Variants in LINGO2 observed in about 807,000 individuals in gnomAD.
LINGO2 encodes leucine-rich repeat and immunoglobulin-like domain-containing nogo receptor-interacting protein 2.
In LINGO2, 14 loss-of-function variants were observed where a neutral mutation model predicts 30.6. The observed-to-expected ratio is 0.46, with a 90% CI of 0.30 to 0.72. LINGO2 has a LOEUF of 0.72. Ranked by LOEUF, LINGO2 falls within the 30% of genes least tolerant of loss-of-function variation. The pLI is 0.07. For synonymous variants in LINGO2, 317 were observed against 288.5 expected, an observed-to-expected ratio of 1.10 and a Z score of -1.00; for missense variants, 729 against 751.7, an observed-to-expected ratio of 0.97 and a Z score of 0.35.
the LINGO2 span, among the ~76,000 whole-genome samples, chr9:28,760,924 G>GTC: frequency 8.2e-3 from 805 of 97,586 alleles, 18 homozygotes; most frequent in African/African-American, 0.029. Flanking sequence ...ACGTGTGTGT[G>GTC]TGTGTGTGTA....
chr9:29,022,100 G>A, the LINGO2 span, among the ~76,000 whole-genome samples: 1 of 152,066 alleles, frequency 6.6e-6, no homozygotes, highest in Non-Finnish European at 1.5e-5. Context: ...TGCTACTGAA[G>A]ATTTGACTTT....
chr9:28,280,371 C>A (rs1298151482), intron 4 of LINGO2, among the ~76,000 whole-genome samples: 1 of 151,990 alleles, frequency 6.6e-6, no homozygotes, highest in East Asian at 1.9e-4. Context: ...AACCTAAACT[C>A]AGGGTAATAT....
At chr9:27,982,910 G>T (rs909431217) in intron 5 of LINGO2, among the ~76,000 whole-genome samples, 13 of 151,572 alleles carry the variant, frequency 8.6e-5, no homozygotes, top group Non-Finnish European at 1.0e-4. Flanking sequence ...ATACACTTAC[G>T]AACTGTAAAG....
At chr9:29,130,168 A>G in the LINGO2 span, among the ~76,000 whole-genome samples, 7 of 152,288 alleles carry the variant, frequency 4.6e-5, no homozygotes, top group South Asian at 1.4e-3. Flanking sequence ...ATTGAACTTT[A>G]CCCATCAGTC....
chr9:27,979,730 G>A (rs1054403849), intron 5 of LINGO2, among the ~76,000 whole-genome samples: 4 of 151,772 alleles, frequency 2.6e-5, no homozygotes, highest in African/African-American at 7.3e-5. Flanking sequence ...CATTCCACTG[G>A]GATCCTTTGA....
In LINGO2 at chr9:28,130,206, T is replaced by C. The variant is rs7849051; in HGVS notation, c.-86-117801A>G. Among the ~76,000 whole-genome samples the C allele has an allele frequency of 0.076, 11,548 of 152,296 alleles. 539 individuals are homozygous for C. Among genetic ancestry groups the C allele is most frequent in the African/African-American group, 0.13 (5,392 of 41,548 alleles). ...GGTTTGAACTCTAGACCCTCTAAAA[T>C]AGACCTTAACACACTTCATCAGATT... On this transcript the variant is annotated intron_variant, in intron 4 of 5. Transcript: ENST00000379992. This position sits in a 1 kb window ranked among gnomAD's most constrained non-coding sequence, Gnocchi z 5.2.
At chr9:28,986,577 C>T in the LINGO2 span, among the ~76,000 whole-genome samples, 7 of 151,944 alleles carry the variant, frequency 4.6e-5, no homozygotes, top group Admixed American at 4.6e-4. Context: ...TTTCAATATA[C>T]AAGTCCTTTA....
At chr9:28,386,610 A>C (rs1407150293) in intron 2 of LINGO2, among the ~76,000 whole-genome samples, 2 of 152,186 alleles carry the variant, frequency 1.3e-5, no homozygotes, top group Non-Finnish European at 2.9e-5. Flanking sequence ...TAGTCTTTTA[A>C]AACAATCATA....
chr9:28,073,879 TA>T (rs1273675612), intron 4 of LINGO2, among the ~76,000 whole-genome samples: 1 of 152,018 alleles, frequency 6.6e-6, no homozygotes, highest in African/African-American at 2.4e-5. Context: ...TTACTTGTTT[TA>T]AAGAACATTT....
chr9:28,309,996 T>C (rs72709367), intron 3 of LINGO2, among the ~76,000 whole-genome samples: 34,153 of 151,988 alleles, frequency 0.22, 4,228 homozygotes, highest in South Asian at 0.36. Flanking sequence ...TAAAAAGGCT[T>C]ATCTTACCAA....
the LINGO2 span, among the ~76,000 whole-genome samples, chr9:28,720,725 G>T: frequency 6.6e-6 from 1 of 151,968 alleles, no homozygotes; most frequent in Non-Finnish European, 1.5e-5. Context: ...CAAATATATT[G>T]GCTTCAATGT....
At chr9:28,650,517 A>G (rs1434424830) in intron 1 of LINGO2, among the ~76,000 whole-genome samples, 1 of 152,038 alleles carries the variant, frequency 6.6e-6, no homozygotes, top group Non-Finnish European at 1.5e-5. Flanking sequence ...TTCCTTTGAG[A>G]TTCAAATAAA....
intron 3 of LINGO2, among the ~76,000 whole-genome samples, chr9:28,344,885 G>C (rs188143956): frequency 4.6e-5 from 7 of 152,110 alleles, no homozygotes; most frequent in Admixed American, 2.6e-4. Flanking sequence ...CTGCACCAAA[G>C]CATCTTAGGG....
chr9:28,537,632 AAACAG>A (rs1391117759), intron 1 of LINGO2, among the ~76,000 whole-genome samples: 1 of 152,136 alleles, frequency 6.6e-6, no homozygotes, highest in Non-Finnish European at 1.5e-5. Context: ...GTAAACTAAA[AAACAG>A]AACTCAGGAA....
At chr9:28,389,264 T>G (rs1487110649) in intron 2 of LINGO2, among the ~76,000 whole-genome samples, 3 of 152,120 alleles carry the variant, frequency 2.0e-5, no homozygotes, top group African/African-American at 7.2e-5. Flanking sequence ...ATTATATATT[T>G]TATATGCCAC....
intron 3 of LINGO2, among the ~76,000 whole-genome samples, chr9:28,362,444 A>G (rs942140807): frequency 6.6e-6 from 1 of 152,138 alleles, no homozygotes; most frequent in African/African-American, 2.4e-5. Flanking sequence ...AACTTAGCCT[A>G]GAAGAGAAGT....
At chr9:28,431,737 TG>T (rs1326261600) in intron 2 of LINGO2, among the ~76,000 whole-genome samples, 3 of 152,214 alleles carry the variant, frequency 2.0e-5, no homozygotes, top group African/African-American at 7.2e-5. Flanking sequence ...CTGACATCTA[TG>T]GATGCAGTTT....
chr9:28,521,585 C>T (rs1449061814), intron 1 of LINGO2, among the ~76,000 whole-genome samples: 1 of 152,108 alleles, frequency 6.6e-6, no homozygotes, highest in African/African-American at 2.4e-5. Context: ...GGGGGAAAAT[C>T]CCCATAATTT....
intron 4 of LINGO2, among the ~76,000 whole-genome samples, chr9:28,052,714 G>A (rs112328934): frequency 5.3e-5 from 8 of 152,164 alleles, no homozygotes; most frequent in African/African-American, 1.9e-4. Context: ...ACTACAAATT[G>A]GAGCCCAAGA....
Sources: allele counts gnomAD v4.1 joint callset (sites outside exome capture counted in the v4.1 genomes callset), GRCh38; gene constraint gnomAD v4.1.1; non-coding constraint Gnocchi (gnomAD v3.1); transcripts MANE v1.5; gene names NCBI Gene and HGNC (gene_info 2026-07-23, HGNC 2026-07-21).